The following CUX1 variants were observed in gnomAD, a reference collection of about 807,000 sequenced individuals.
CUX1 encodes protein CASP.
Under a neutral mutation model 158.8 loss-of-function variants are expected in CUX1, and 31 were observed. That is an observed-to-expected ratio of 0.20 (90% CI 0.15 to 0.26). The LOEUF (loss-of-function observed/expected upper bound fraction) is 0.26, where lower values mean the gene tolerates loss of function less well. CUX1 is among the 10% of genes least tolerant of loss of function. The pLI is 1.00. For synonymous variants in CUX1, 879 were observed against 862.1 expected, an observed-to-expected ratio of 1.02 and a Z score of -0.34; for missense variants, 1,589 against 2,014.6, an observed-to-expected ratio of 0.79 and a Z score of 4.04.
intron 3 of CUX1, among the ~76,000 whole-genome samples, chr7:102,039,304 A>C (rs937422212): frequency 6.6e-6 from 1 of 152,174 alleles, no homozygotes. Flanking sequence ...CTGGCATCCC[A>C]GAAGTGCTAA....
chr7:102,016,240 G>A (rs1261989332), intron 2 of CUX1, among the ~76,000 whole-genome samples: 1 of 152,178 alleles, frequency 6.6e-6, no homozygotes, highest in Non-Finnish European at 1.5e-5. Flanking sequence ...ATGCCCCTGT[G>A]CCCGGCCAGG....
At chr7:102,006,999 G>A (rs1817455276) in intron 2 of CUX1, among the ~76,000 whole-genome samples, 1 of 152,208 alleles carries the variant, frequency 6.6e-6, no homozygotes. Flanking sequence ...GCTTGGCAGT[G>A]GCTCTGCACG....
Position 102,249,202 on chromosome 7 carries a change from C to T in CUX1, c.*160C>T, listed in dbSNP as rs1213243274. 23 of 1,119,954 alleles carry T rather than the reference C, an allele frequency of 2.1e-5. No individual in the cohort carries two copies. The highest frequency in any genetic ancestry group is 6.7e-5 in the African/African-American group (4 of 60,066). 69.4% of individuals were successfully genotyped at this position (1,119,954 alleles called of 1,614,324 possible). A position where few individuals can be genotyped will look rare whatever the true frequency, so the allele number is the denominator to read the frequency against. On this transcript the variant is annotated 3_prime_UTR_variant, in exon 24 of 24. Transcript: ENST00000292535. ...CGCAGCCCAGACCCCCTCCACGGTCCGCGGCCTGCACCGACCCGAGGCCCA... is the reference window on the plus strand; with the variant it reads ...CGCAGCCCAGACCCCCTCCACGGTCTGCGGCCTGCACCGACCCGAGGCCCA...
At chr7:101,895,899 T>TTTTG (rs1383062040) in intron 1 of CUX1, among the ~76,000 whole-genome samples, 11 of 68,362 alleles carry the variant, frequency 1.6e-4, no homozygotes, top group African/African-American at 7.8e-4. Flanking sequence ...AAGTTTTTTT[T>TTTTG]TTGTTTTTGT....
intron 20 of CUX1, among the ~76,000 whole-genome samples, chr7:102,214,028 G>A (rs1030044826): frequency 6.6e-6 from 1 of 151,976 alleles, no homozygotes; most frequent in East Asian, 1.9e-4. Flanking sequence ...CCAGCTACTC[G>A]GGAGGCTGAG....
chr7:101,924,846 A>G (rs1474421648), intron 2 of CUX1, among the ~76,000 whole-genome samples: 1 of 151,966 alleles, frequency 6.6e-6, no homozygotes, highest in African/African-American at 2.4e-5. Flanking sequence ...AAATGTTGGG[A>G]TTACCGGCGT....
chr7:102,006,831 T>C (rs112902117), intron 2 of CUX1, among the ~76,000 whole-genome samples: 4 of 152,338 alleles, frequency 2.6e-5, no homozygotes, highest in African/African-American at 9.6e-5. Flanking sequence ...CTGCCAAGGG[T>C]GCAAGGGGCT....
At chr7:102,091,704 G>T (rs1828599287) in intron 4 of CUX1, among the ~76,000 whole-genome samples, 1 of 152,100 alleles carries the variant, frequency 6.6e-6, no homozygotes, top group African/African-American at 2.4e-5. Context: ...ACATGCTTTT[G>T]CCAAGAGAAA....
chr7:101,980,499 A>T (rs1414103121), intron 2 of CUX1, among the ~76,000 whole-genome samples: 1 of 152,110 alleles, frequency 6.6e-6, no homozygotes, highest in African/African-American at 2.4e-5. Flanking sequence ...ACAGAGGGAG[A>T]CCCTGTTTCC....
At chr7:101,816,411 CCGCCGCCGCCAG>C (rs918719972), upstream of CUX1, among the ~76,000 whole-genome samples, 7 of 143,240 alleles carry the variant, frequency 4.9e-5, no homozygotes, top group African/African-American at 1.5e-4. Flanking sequence ...CCCCGCGCCG[CCGCCGCCGCCAG>C]CGCCGCCGCC....
At chr7:102,244,934 G>T (rs1313019028) in intron 23 of CUX1, among the ~76,000 whole-genome samples, 1 of 152,194 alleles carries the variant, frequency 6.6e-6, no homozygotes, top group Non-Finnish European at 1.5e-5. Flanking sequence ...GAAATATGGA[G>T]ACAAATCTAG....
At chr7:101,849,959 C>T (rs1412970169) in intron 1 of CUX1, among the ~76,000 whole-genome samples, 1 of 144,764 alleles carries the variant, frequency 6.9e-6, no homozygotes, top group African/African-American at 2.6e-5. Flanking sequence ...CACTCTGTCG[C>T]CCAGGCTGGA....
At chr7:101,959,416 G>C (rs901919113) in intron 2 of CUX1, 1 of 151,982 alleles carries the variant, frequency 6.6e-6, no homozygotes, top group Non-Finnish European at 1.5e-5. Context: ...AAGAAGAATT[G>C]CCTTCTTTCC....
intron 1 of CUX1, among the ~76,000 whole-genome samples, chr7:101,893,877 G>A (rs530545174): frequency 1.3e-5 from 2 of 152,302 alleles, no homozygotes; most frequent in Admixed American, 1.3e-4. Context: ...CTAGGGAAAG[G>A]TGATTTATAC....
intron 7 of CUX1, among the ~76,000 whole-genome samples, chr7:102,114,808 G>C (rs2131115686): frequency 6.6e-6 from 1 of 152,300 alleles, no homozygotes; most frequent in East Asian, 1.9e-4. Flanking sequence ...TTGAGCCCAG[G>C]AGTTAAAGGT....
At chr7:102,203,690 T>G (rs563047925) in intron 18 of CUX1, among the ~76,000 whole-genome samples, 1 of 152,314 alleles carries the variant, frequency 6.6e-6, no homozygotes, top group South Asian at 2.1e-4. Flanking sequence ...AGTGATCGGA[T>G]GCAGCCCCTA....
chr7:102,200,590 C>G (rs1316935453), intron 17 of CUX1, among the ~76,000 whole-genome samples: 13 of 152,172 alleles, frequency 8.5e-5, no homozygotes, highest in African/African-American at 3.1e-4. Flanking sequence ...ATCCTCCCAC[C>G]TCGGCCTCCC....
intron 2 of CUX1, among the ~76,000 whole-genome samples, chr7:101,949,825 C>T (rs1225841138): frequency 6.6e-6 from 1 of 151,884 alleles, no homozygotes; most frequent in Non-Finnish European, 1.5e-5. Context: ...AGCCACCACG[C>T]CTAGCGAGTG....
chr7:102,135,300 T>C lies in CUX1; in HGVS notation c.674+20027T>C, dbSNP rs1585848634. On this transcript the variant is annotated intron_variant, in intron 8 of 23. Transcript: ENST00000292535. Reference sequence around the variant, plus strand: ...AAGTAAGGCAGAGAAAAGAAAATGTTAAGAAATCCTAAGGAAGAGAAAACA... The same window carrying C: ...AAGTAAGGCAGAGAAAAGAAAATGTCAAGAAATCCTAAGGAAGAGAAAACA... 2.6e-5 allele frequency among the ~76,000 whole-genome samples: 4 copies of C among 152,262 alleles called. No homozygotes were observed. In the South Asian group the frequency reaches 8.3e-4, roughly 32 times the overall value.
Sources: allele counts gnomAD v4.1 joint callset (sites outside exome capture counted in the v4.1 genomes callset), GRCh38; gene constraint gnomAD v4.1.1; transcripts MANE v1.5; gene names NCBI Gene and HGNC (gene_info 2026-07-23, HGNC 2026-07-21).